Variants in INPP5A observed in about 807,000 individuals in gnomAD.
The protein encoded by INPP5A is 43 kDa inositol polyphosphate 5-phophatase.
A neutral mutation model predicts 65.2 loss-of-function variants in INPP5A; 14 were observed. The ratio of observed to expected loss-of-function variants is 0.21; its 90% confidence interval spans 0.14 to 0.34. The LOEUF (loss-of-function observed/expected upper bound fraction) is 0.34. INPP5A is among the 10% of genes least tolerant of loss of function. INPP5A has a pLI of 1.00. For synonymous variants in INPP5A, 207 were observed against 208.3 expected (o/e 0.99, Z 0.05); for missense variants, 431 against 545.6 (o/e 0.79, Z 2.09).
chr10:132,754,942 C>T (rs1846565295), intron 11 of INPP5A, among the ~76,000 whole-genome samples: 1 of 151,114 alleles, frequency 6.6e-6, no homozygotes, highest in Admixed American at 6.6e-5. Flanking sequence ...CGTGCATATG[C>T]ATGTGAATGG....
At chr10:132,635,983 C>CA (rs202003054) in intron 2 of INPP5A, among the ~76,000 whole-genome samples, 5,117 of 49,178 alleles carry the variant, frequency 0.1, 199 homozygotes, top group Middle Eastern at 0.2. Flanking sequence ...ATCTCAAAGA[C>CA]AAAAAAAAAA....
rs924960888 is a variant in INPP5A, at chr10:132,706,206, G to A, written c.475-2107G>A. Among the ~76,000 whole-genome samples, 1 of 152,194 alleles carries A rather than the reference G, an allele frequency of 6.6e-6. No homozygotes were observed. Among genetic ancestry groups the A allele is most frequent in the East Asian group, 1.9e-4 (1 of 5,198 alleles). Reference sequence around the variant, plus strand: ...ACATAGTCAAGACGGACAAAGATTTGTGTTTGTTTGGTTGTTTGTATGTTT... The same window carrying A: ...ACATAGTCAAGACGGACAAAGATTTATGTTTGTTTGGTTGTTTGTATGTTT... On this transcript the variant is annotated intron_variant, in intron 6 of 15. Transcript: ENST00000368594. This position sits in a 1 kb window ranked among gnomAD's most constrained non-coding sequence, Gnocchi z 4.7.
rs148996316 is a variant in INPP5A, at chr10:132,687,185, T to G, written c.307-3207T>G. ...GTCTTGAACTCCTGACCTCGAGTGA[T>G]CCGCTGCCTCGCCCCCACAAAGTGC... On this transcript the variant is annotated intron_variant, in intron 4 of 15. Coordinates refer to ENST00000368594, the MANE Select transcript of INPP5A (RefSeq NM_005539.5). 2.1e-3 allele frequency among the ~76,000 whole-genome samples: 317 copies of G among 152,346 alleles called. 4 individuals carry two copies. The highest frequency in any genetic ancestry group is 6.2e-3 in the African/African-American group (259 of 41,586).
rs1258945301 is a variant in INPP5A at position 132,678,327 on chromosome 10, AAAGCTT to A, written c.307-12064_307-12059del. 6.6e-6 allele frequency among the ~76,000 whole-genome samples: 1 copy of A among 152,198 alleles called. No individual in the cohort carries two copies. The highest frequency in any genetic ancestry group is 2.4e-5 in the African/African-American group (1 of 41,446). On this transcript the variant is annotated intron_variant, in intron 4 of 15. Transcript: ENST00000368594. This position sits in a 1 kb window ranked among gnomAD's most constrained non-coding sequence, Gnocchi z 4.1. The stretch of plus-strand genomic sequence containing the variant: ...ATGAAGCGCTACATTGATTTAAACA[AAAGCTT>A]TGTTTCATTTATTATTGTTTATAAT...
intron 1 of INPP5A, among the ~76,000 whole-genome samples, chr10:132,539,448 C>G (rs1477284338): frequency 2.0e-5 from 3 of 152,110 alleles, no homozygotes; most frequent in African/African-American, 7.2e-5. Flanking sequence ...CCTTCTAGGG[C>G]CCCTCCCACC....
intron 7 of INPP5A, 33 bp downstream of exon 7, chr10:132,708,398 A>G (rs774635988): frequency 6.3e-7 from 1 of 1,599,084 alleles, no homozygotes; most frequent in Non-Finnish European, 8.6e-7. Context: ...CAATTTCCAT[A>G]ACGTTTCTTA....
rs1033095374 is a variant in INPP5A, at chr10:132,705,527, A to T, written c.475-2786A>T. On this transcript the variant is annotated intron_variant, in intron 6 of 15. Coordinates refer to ENST00000368594, the MANE Select transcript of INPP5A (RefSeq NM_005539.5). This position sits in a 1 kb window ranked among gnomAD's most constrained non-coding sequence, Gnocchi z 4.9. ...TGAGGACGGATCCTCCTCGACGAGT[A>T]GAGCCATAGCCTGGCGTCCAAGTGC... is the stretch of plus-strand genomic sequence containing the variant. Among the ~76,000 whole-genome samples the T allele has an allele frequency of 6.6e-6, 1 of 152,260 alleles. No individual in the cohort carries two copies. Among genetic ancestry groups the T allele is most frequent in the Non-Finnish European group, 1.5e-5 (1 of 68,048 alleles).
chr10:132,630,362 T>A (rs1590879908), intron 2 of INPP5A, among the ~76,000 whole-genome samples: 4 of 151,406 alleles, frequency 2.6e-5, no homozygotes, highest in Admixed American at 2.6e-4. Flanking sequence ...GGGAAAGACG[T>A]CCTTGAGGGG....
intron 4 of INPP5A, among the ~76,000 whole-genome samples, chr10:132,662,050 C>T (rs1668185503): frequency 6.6e-6 from 1 of 152,206 alleles, no homozygotes; most frequent in South Asian, 2.1e-4. Context: ...AGAGCTAGAA[C>T]CATGCAGCTT....
At chr10:132,612,332 C>G (rs2071971015) in intron 2 of INPP5A, among the ~76,000 whole-genome samples, 1 of 152,056 alleles carries the variant, frequency 6.6e-6, no homozygotes, top group Non-Finnish European at 1.5e-5. Context: ...CAGACAAGAC[C>G]TGTGGTAGAG....
intron 1 of INPP5A, among the ~76,000 whole-genome samples, chr10:132,580,033 A>G (rs1311213455): frequency 1.3e-5 from 2 of 151,192 alleles, no homozygotes; most frequent in Non-Finnish European, 2.9e-5. Context: ...CACTGCTGGC[A>G]GGGGCTTTGC....
chr10:132,752,111 G>GTGCCCAGGAGGCGTCTGGGTGGAGTCGGC (rs1846496109), intron 11 of INPP5A, among the ~76,000 whole-genome samples: 1 of 144,302 alleles, frequency 6.9e-6, no homozygotes, highest in Non-Finnish European at 1.5e-5. Flanking sequence ...GTGGAGGCGG[G>GTGCCCAGGAGGCGTCTGGGTGGAGTCGGC]TGCCCAGGAG....
chr10:132,586,585 G>A (rs533605997), intron 1 of INPP5A, among the ~76,000 whole-genome samples: 1 of 152,344 alleles, frequency 6.6e-6, no homozygotes, highest in African/African-American at 2.4e-5. Flanking sequence ...ACCATGGGTG[G>A]CCTGGAAGGG....
intron 4 of INPP5A, among the ~76,000 whole-genome samples, chr10:132,655,523 G>T (rs999978110): frequency 3.3e-5 from 5 of 152,224 alleles, no homozygotes; most frequent in Admixed American, 3.3e-4. Flanking sequence ...ATCAGTCAGC[G>T]CCCAGAGAGC....
chr10:132,714,043 C>G (rs1001725251), intron 8 of INPP5A, among the ~76,000 whole-genome samples: 1 of 152,182 alleles, frequency 6.6e-6, no homozygotes, highest in African/African-American at 2.4e-5. Flanking sequence ...CGGGGACCTC[C>G]CACGGAGCCC....
At position 132,663,285 on chromosome 10, in the gene INPP5A, A is replaced by C. The variant is rs1328441265; in HGVS notation, c.306+12780A>C. Among the ~76,000 whole-genome samples, 2 of 152,314 alleles carry C rather than the reference A, an allele frequency of 1.3e-5. No individual in the cohort carries two copies. Among genetic ancestry groups the C allele is most frequent in the Middle Eastern group, 3.4e-3 (1 of 294 alleles). On this transcript the variant is annotated intron_variant, in intron 4 of 15. Transcript: ENST00000368594. This position sits in a 1 kb window ranked among gnomAD's most constrained non-coding sequence, Gnocchi z 4.5. ...TGCCCAGGCTGGAGTGCAGTAGTGCAATCGTGGCTTACTGCAGCCTTGAAC... is the reference window on the plus strand; with the variant it reads ...TGCCCAGGCTGGAGTGCAGTAGTGCCATCGTGGCTTACTGCAGCCTTGAAC...
intron 1 of INPP5A, among the ~76,000 whole-genome samples, chr10:132,570,363 C>T (rs934507611): frequency 1.2e-4 from 19 of 152,208 alleles, no homozygotes; most frequent in Non-Finnish European, 7.3e-5. Context: ...TGGGCACCTT[C>T]GTATCCATCA....
intron 4 of INPP5A, among the ~76,000 whole-genome samples, chr10:132,654,841 G>C (rs780159846): frequency 8.0e-5 from 12 of 150,928 alleles, no homozygotes; most frequent in Non-Finnish European, 1.8e-4. Flanking sequence ...GTGAGCCTGT[G>C]GGGGGGACGC....
At chr10:132,672,384 A>G (rs1381860628) in intron 4 of INPP5A, among the ~76,000 whole-genome samples, 1 of 152,162 alleles carries the variant, frequency 6.6e-6, no homozygotes, top group Non-Finnish European at 1.5e-5. Context: ...TTGAATTCCC[A>G]CATGTTATGG....
Sources: gnomAD v4.1 joint callset for allele counts (sites outside exome capture counted in the v4.1 genomes callset) on GRCh38, gnomAD v4.1.1 for gene constraint, Gnocchi (gnomAD v3.1) non-coding constraint, MANE v1.5 for transcripts, NCBI Gene and HGNC (gene_info 2026-07-23, HGNC 2026-07-21) for gene names.